The following CPZ variants were observed in gnomAD, a reference collection of about 807,000 sequenced individuals.
CPZ encodes the protein VEZT/CPZ fusion.
In CPZ, 103 loss-of-function variants were observed where a neutral mutation model predicts 61.8. That is an observed-to-expected ratio of 1.67 (90% CI 1.42 to 1.96). The LOEUF is 1.96. Among genes scored for constraint, CPZ ranks in the 30% most tolerant of loss-of-function variants. CPZ has a pLI of 0.00. For synonymous variants in CPZ, 551 were observed against 373.7 expected (o/e 1.47, Z -5.47); for missense variants, 1,461 against 914.9 (o/e 1.60, Z -7.70).
At chr4:8,600,553 A>T (rs1714498169) in intron 2 of CPZ, among the ~76,000 whole-genome samples, 1 of 152,140 alleles carries the variant, frequency 6.6e-6, no homozygotes, top group Admixed American at 6.5e-5. Context: ...TGTGATGAGG[A>T]AGCAGGAAGG....
chr4:8,609,160 T>TTCTCATTAACTCAGC (rs1553877645), intron 7 of CPZ, among the ~76,000 whole-genome samples: 16,525 of 134,482 alleles, frequency 0.12, 1,233 homozygotes, highest in Middle Eastern at 0.18. Flanking sequence ...ACTCCCTCAC[T>TTCTCATTAACTCAGC]CATTCACTCA....
intron 9 of CPZ, among the ~76,000 whole-genome samples, chr4:8,616,521 C>G (rs758399299): frequency 6.6e-6 from 1 of 152,186 alleles, no homozygotes; most frequent in South Asian, 2.1e-4. Context: ...CCGTGGGGCC[C>G]TGGGGTAGGC....
intron 3 of CPZ, 72 bp from the exon 4 acceptor site, chr4:8,603,904 G>A (rs1714752730): frequency 7.5e-7 from 1 of 1,339,270 alleles, no homozygotes; most frequent in Admixed American, 1.7e-5. Flanking sequence ...GCTGTGTGTG[G>A]TCAGCGTTCC....
rs776691412 is a variant in CPZ at position 8,599,443 on chromosome 4, C to T, written c.89-10C>T. On this transcript the variant is annotated splice_polypyrimidine_tract_variant and intron_variant, in intron 1 of 10. Coordinates refer to ENST00000360986, the MANE Select transcript of CPZ (RefSeq NM_001014447.3). ...GCAGGTCCCTAACAGTGCCATGTCT[C>T]TCTTTCCAGGTGAATGCCACAGGCC... is the stretch of plus-strand genomic sequence containing the variant. The T allele has an allele frequency of 6.2e-7, 1 of 1,606,648 alleles. No individual in the cohort carries two copies. Among genetic ancestry groups the T allele is most frequent in the South Asian group, 1.1e-5 (1 of 90,040 alleles).
At chr4:8,607,736 C>G (rs13104605) in intron 7 of CPZ, among the ~76,000 whole-genome samples, 76,469 of 152,006 alleles carry the variant, frequency 0.5, 19,872 homozygotes, top group South Asian at 0.64. Context: ...AGCTCCGCCC[C>G]GCGCCTGGCG....
In CPZ at chr4:8,618,513, CACG is replaced by C. The variant is rs745520118; in HGVS notation, c.1591_1593del (p.Asp531del). On this transcript the variant is annotated inframe_deletion, in exon 10 of 11. Transcript: ENST00000360986. Reference sequence around the variant, plus strand: ...CCGGATCTCAGTCAAAGGCATTCGCCACGACATCACCACAGGTGAGCACGTCCC... The same window carrying C: ...CCGGATCTCAGTCAAAGGCATTCGCCACATCACCACAGGTGAGCACGTCCC... 1.3e-5 allele frequency: 21 copies of C among 1,613,780 alleles called. No homozygotes were observed. Among genetic ancestry groups the C allele is most frequent in the African/African-American group, 5.3e-5 (4 of 74,948 alleles).
chr4:8,595,742 C>T (rs9283691), intron 1 of CPZ, among the ~76,000 whole-genome samples: 2 of 152,208 alleles, frequency 1.3e-5, no homozygotes, highest in Non-Finnish European at 1.5e-5. Context: ...TGAATGGGAG[C>T]GTACTTGGAA....
chr4:8,617,570 G>A (rs1013271066), intron 9 of CPZ, among the ~76,000 whole-genome samples: 1 of 152,226 alleles, frequency 6.6e-6, no homozygotes, highest in Non-Finnish European at 1.5e-5. Flanking sequence ...CTGATTTTAA[G>A]AGGAGCAAGA....
chr4:8,610,515 GGAGA>G (rs200143019), intron 7 of CPZ, among the ~76,000 whole-genome samples: 2 of 152,168 alleles, frequency 1.3e-5, no homozygotes, highest in Non-Finnish European at 2.9e-5. Context: ...AGCAGACTTT[GGAGA>G]GAGTCTTGTC....
intron 9 of CPZ, among the ~76,000 whole-genome samples, chr4:8,616,566 G>A (rs1234528512): frequency 3.3e-5 from 5 of 151,676 alleles, no homozygotes; most frequent in African/African-American, 7.3e-5. Flanking sequence ...AGGGCTTCCT[G>A]GAGGAGGAGG....
At chr4:8,609,059 A>ACTCACGTACTCACTCC (rs770569163) in intron 7 of CPZ, among the ~76,000 whole-genome samples, 2 of 117,930 alleles carry the variant, frequency 1.7e-5, no homozygotes, top group Non-Finnish European at 3.4e-5. Context: ...TCCCTCCCTC[A>ACTCACGTACTCACTCC]CTCCCTCACT....
At chr4:8,609,436 C>G (rs1182157237) in intron 7 of CPZ, among the ~76,000 whole-genome samples, 3 of 140,498 alleles carry the variant, frequency 2.1e-5, no homozygotes, top group African/African-American at 9.8e-5. Context: ...CTCATTCATT[C>G]ATTGACTCTT....
chr4:8,616,335 C>T (rs975072114), intron 9 of CPZ, among the ~76,000 whole-genome samples: 4 of 152,170 alleles, frequency 2.6e-5, no homozygotes, highest in African/African-American at 9.7e-5. Flanking sequence ...CGCATGTGCC[C>T]TGTGTTTCAT....
intron 2 of CPZ, among the ~76,000 whole-genome samples, chr4:8,600,122 AT>A: frequency 6.6e-6 from 1 of 152,244 alleles, no homozygotes; most frequent in Admixed American, 6.5e-5. Context: ...TAAAATGTCT[AT>A]TTTATTTTAT....
Position 8,592,829 on chromosome 4 carries a change from C to G in CPZ, c.-5C>G. 6.8e-7 allele frequency: 1 copy of G among 1,465,648 alleles called. No individual in the cohort carries two copies. The highest frequency in any genetic ancestry group is 9.0e-7 in the Non-Finnish European group (1 of 1,114,268). The allele number at this position is 1,465,648 out of a possible 1,614,324, so 90.8% of individuals were successfully genotyped here. ...CGCTGGCCGTCCAAGGTCCGCCGCC[C>G]CACCATGCCGCCCCCGCTGCCGCTG... is the stretch of plus-strand genomic sequence containing the variant. On this transcript the variant is annotated 5_prime_UTR_variant, in exon 1 of 11. Coordinates refer to ENST00000360986, the MANE Select transcript of CPZ (RefSeq NM_001014447.3).
rs77016219 is a variant in CPZ, at chr4:8,613,198, C to T, written c.1363+1036C>T. ...CCAGGCTGGAGCACAGTGGTGCGAT[C>T]GCAGCTCACTGCAATCTCTGCCTCC... On this transcript the variant is annotated intron_variant, in intron 8 of 10. Coordinates refer to ENST00000360986, the MANE Select transcript of CPZ (RefSeq NM_001014447.3). Among the ~76,000 whole-genome samples the T allele has an allele frequency of 3.4e-5, 5 of 148,062 alleles. No homozygotes were observed. The East Asian group carries it at 6.0e-4, about 18-fold the overall frequency.
chr4:8,606,736 G>A lies in CPZ; in HGVS notation c.907-1G>A. 1 of 1,614,134 alleles carries A rather than the reference G, an allele frequency of 6.2e-7. No individual in the cohort carries two copies. The highest frequency in any genetic ancestry group is 1.1e-5 in the South Asian group (1 of 91,078). Reference sequence around the variant, plus strand: ...CAGTCGGGGGTTGGCCATGTTTTCAGGGTGCCGGCTACAACGGGTGGACGA... The same window carrying A: ...CAGTCGGGGGTTGGCCATGTTTTCAAGGTGCCGGCTACAACGGGTGGACGA... On this transcript the variant is annotated splice_acceptor_variant, in intron 5 of 10. Coordinates refer to ENST00000360986, the MANE Select transcript of CPZ (RefSeq NM_001014447.3). LOFTEE classifies it high-confidence loss of function.
chr4:8,611,936 T>C (rs1715733816), intron 7 of CPZ, 91 bp from the exon 8 acceptor site: 2 of 1,574,304 alleles, frequency 1.3e-6, no homozygotes, highest in Admixed American at 3.5e-5. Context: ...ATGCAGGTGT[T>C]TGCACGCGCA....
chr4:8,615,659 G>A (rs911198777), intron 9 of CPZ, among the ~76,000 whole-genome samples: 1 of 152,192 alleles, frequency 6.6e-6, no homozygotes, highest in Non-Finnish European at 1.5e-5. Context: ...GCCACACACA[G>A]GCTTGTGCTC....
Sources: allele counts gnomAD v4.1 joint callset (sites outside exome capture counted in the v4.1 genomes callset), GRCh38; gene constraint gnomAD v4.1.1; transcripts MANE v1.5; gene names NCBI Gene and HGNC (gene_info 2026-07-23, HGNC 2026-07-21).